The following TSHZ3 variants were observed in gnomAD, a reference collection of about 807,000 sequenced individuals.
The protein encoded by TSHZ3 is teashirt homolog 3.
A neutral mutation model predicts 64.5 loss-of-function variants in TSHZ3; 10 were observed. The ratio of observed to expected loss-of-function variants is 0.16; its 90% CI spans 0.10 to 0.26. TSHZ3 has a LOEUF of 0.26. TSHZ3 is among the 10% of genes least tolerant of loss of function. The pLI is 1.00. For synonymous variants in TSHZ3, 608 were observed against 593.1 expected (o/e 1.03, Z -0.36); for missense variants, 1,242 against 1,421.7 (o/e 0.87, Z 2.03).
intron 5 of TSHZ3, among the ~76,000 whole-genome samples, chr19:31,159,976 G>C (rs1974353312): frequency 6.6e-6 from 1 of 152,128 alleles, no homozygotes; most frequent in Non-Finnish European, 1.5e-5. Context: ...ACAGGTGTGA[G>C]CCACCACACC....
intron 5 of TSHZ3, among the ~76,000 whole-genome samples, chr19:31,201,905 G>A (rs949501676): frequency 6.6e-6 from 1 of 152,208 alleles, no homozygotes; most frequent in East Asian, 1.9e-4. Flanking sequence ...AGTGGCTCAT[G>A]CCTGTAATCC....
chr19:31,290,880 T>A (rs1020810510), intron 1 of TSHZ3, among the ~76,000 whole-genome samples: 1 of 152,184 alleles, frequency 6.6e-6, no homozygotes, highest in African/African-American at 2.4e-5. Flanking sequence ...CTCCCCTAGA[T>A]TGATTGCTCT....
chr19:31,156,062 G>A (rs114031617), intron 6 of TSHZ3, among the ~76,000 whole-genome samples: 104 of 152,296 alleles, frequency 6.8e-4, no homozygotes, highest in African/African-American at 2.4e-3. Context: ...GTCAGGGACC[G>A]TGTTGTGAAA....
At chr19:31,196,762 T>G (rs1289215524) in intron 5 of TSHZ3, among the ~76,000 whole-genome samples, 1 of 151,986 alleles carries the variant, frequency 6.6e-6, no homozygotes, top group African/African-American at 2.4e-5. Flanking sequence ...CAAGAAGGCA[T>G]AACAATCCTT....
intron 1 of TSHZ3, among the ~76,000 whole-genome samples, chr19:31,316,819 C>T (rs1339633566): frequency 1.3e-5 from 2 of 152,070 alleles, no homozygotes; most frequent in African/African-American, 2.4e-5. Context: ...AGCCAACCCC[C>T]GCCCCACCTC....
chr19:31,317,955 C>T (rs1259656002), intron 1 of TSHZ3, among the ~76,000 whole-genome samples: 4 of 152,208 alleles, frequency 2.6e-5, no homozygotes, highest in African/African-American at 9.7e-5. Context: ...ACTGTAAAAG[C>T]TCCCTTTACC....
chr19:31,173,701 C>G (rs769523513), intron 5 of TSHZ3, among the ~76,000 whole-genome samples: 12 of 152,178 alleles, frequency 7.9e-5, no homozygotes, highest in Non-Finnish European at 1.5e-5. Context: ...TTCCTCCAAC[C>G]TGGCCACTCT....
At chr19:31,240,980 G>C (rs1975681297) in intron 3 of TSHZ3, among the ~76,000 whole-genome samples, 1 of 152,066 alleles carries the variant, frequency 6.6e-6, no homozygotes, top group Admixed American at 6.6e-5. Flanking sequence ...GTCTTTGCTA[G>C]CTCCATCATA....
At chr19:31,225,524 C>A (rs1975447339) in intron 4 of TSHZ3, among the ~76,000 whole-genome samples, 1 of 152,168 alleles carries the variant, frequency 6.6e-6, no homozygotes, top group South Asian at 2.1e-4. Flanking sequence ...CCTTGTCCTG[C>A]ACTTTATGGA....
At chr19:31,221,727 C>T (rs1975396826) in intron 4 of TSHZ3, among the ~76,000 whole-genome samples, 1 of 152,158 alleles carries the variant, frequency 6.6e-6, no homozygotes, top group Admixed American at 6.5e-5. Flanking sequence ...CTTCAGTGTC[C>T]ATGAGTTTAT....
intron 1 of TSHZ3, among the ~76,000 whole-genome samples, chr19:31,257,663 T>G (rs114716964): frequency 0.34 from 51,744 of 151,654 alleles, 13,168 homozygotes; most frequent in African/African-American, 0.71. Context: ...CAGCACAGAT[T>G]GGCCGGCTGC....
intron 5 of TSHZ3, among the ~76,000 whole-genome samples, chr19:31,201,744 G>A (rs1387407364): frequency 2.0e-5 from 3 of 152,058 alleles, no homozygotes; most frequent in Non-Finnish European, 4.4e-5. Context: ...CAGAGATGAT[G>A]ATTTAAGAAA....
chr19:31,309,323 G>C (rs1916388950), intron 1 of TSHZ3, among the ~76,000 whole-genome samples: 1 of 152,144 alleles, frequency 6.6e-6, no homozygotes, highest in Admixed American at 6.5e-5. Context: ...AGTAGATTCG[G>C]AATTCCTTGC....
intron 5 of TSHZ3, among the ~76,000 whole-genome samples, chr19:31,197,050 A>G (rs571043534): frequency 6.6e-6 from 1 of 152,074 alleles, no homozygotes; most frequent in Non-Finnish European, 1.5e-5. Flanking sequence ...AAGATAGACC[A>G]CATTCTGGGC....
intron 5 of TSHZ3, among the ~76,000 whole-genome samples, chr19:31,198,306 T>G (rs886403217): frequency 9.2e-5 from 14 of 152,064 alleles, no homozygotes; most frequent in African/African-American, 3.4e-4. Context: ...ATAAAGAATA[T>G]TCACGAAAAC....
intron 5 of TSHZ3, among the ~76,000 whole-genome samples, chr19:31,157,269 T>G (rs983481494): frequency 6.6e-6 from 1 of 151,990 alleles, no homozygotes; most frequent in Non-Finnish European, 1.5e-5. Flanking sequence ...ATTCAAAGAG[T>G]AAAAGACTAA....
At chr19:31,206,167 A>G (rs529019190) in intron 4 of TSHZ3, among the ~76,000 whole-genome samples, 147 of 151,052 alleles carry the variant, frequency 9.7e-4, no homozygotes, top group Non-Finnish European at 1.8e-3. Context: ...ATAAATGGAT[A>G]GATCGATGAG....
At chr19:31,163,551 G>A (rs1974398832) in intron 5 of TSHZ3, among the ~76,000 whole-genome samples, 1 of 152,232 alleles carries the variant, frequency 6.6e-6, no homozygotes, top group African/African-American at 2.4e-5. Context: ...GGCCAACACG[G>A]TGAAACCCAC....
chr19:31,273,448 C>T (rs1976174422), downstream of TSHZ3, among the ~76,000 whole-genome samples: 1 of 152,104 alleles, frequency 6.6e-6, no homozygotes, highest in Non-Finnish European at 1.5e-5. Flanking sequence ...AGGAGATGGG[C>T]AAAGTGTGTC....
Sources: allele counts gnomAD v4.1 joint callset (sites outside exome capture counted in the v4.1 genomes callset), GRCh38; gene constraint gnomAD v4.1.1; transcripts MANE v1.5; gene names NCBI Gene and HGNC (gene_info 2026-07-23, HGNC 2026-07-21).